LY96: variants seen among roughly 807,000 people sequenced by gnomAD.
The protein encoded by LY96 is lymphocyte antigen 96.
Under a neutral mutation model 18.9 loss-of-function variants are expected in LY96, and 18 were observed. The observed-to-expected ratio is 0.95, with a 90% confidence interval of 0.66 to 1.41. LY96 has a LOEUF of 1.41. Ranked by LOEUF, LY96 falls within the 40% of genes most tolerant of loss-of-function variation. LY96 has a pLI of 0.00. For synonymous variants in LY96, 66 were observed against 62.6 expected (o/e 1.06, Z -0.26); for missense variants, 175 against 182.4 (o/e 0.96, Z 0.23).
the LY96 span, among the ~76,000 whole-genome samples, chr8:74,089,713 T>G: frequency 7.7e-6 from 1 of 129,456 alleles, no homozygotes; most frequent in African/African-American, 3.0e-5. Flanking sequence ...TGCCTGCAGA[T>G]AGTAGGTCGG....
the LY96 span, among the ~76,000 whole-genome samples, chr8:74,051,804 G>C: frequency 6.6e-6 from 1 of 152,178 alleles, no homozygotes; most frequent in African/African-American, 2.4e-5. Flanking sequence ...CCTTGATCTT[G>C]GATTTCCTAG....
intron 1 of LY96, among the ~76,000 whole-genome samples, chr8:74,004,499 T>C (rs1816368500): frequency 6.6e-6 from 1 of 152,166 alleles, no homozygotes; most frequent in Non-Finnish European, 1.5e-5. Flanking sequence ...CCTACTGGCT[T>C]TGTTGAATCT....
the LY96 span, among the ~76,000 whole-genome samples, chr8:74,077,703 G>A: frequency 6.6e-6 from 1 of 151,442 alleles, no homozygotes; most frequent in African/African-American, 2.4e-5. Flanking sequence ...AAATTATAAT[G>A]AATATTATGA....
chr8:74,091,614 G>A, the LY96 span, among the ~76,000 whole-genome samples: 8 of 152,280 alleles, frequency 5.3e-5, no homozygotes, highest in South Asian at 4.1e-4. Context: ...TTCTGCTAGC[G>A]GACCTGTAAA....
chr8:74,070,066 T>G, the LY96 span, among the ~76,000 whole-genome samples: 1 of 152,140 alleles, frequency 6.6e-6, no homozygotes, highest in African/African-American at 2.4e-5. Flanking sequence ...ATAAGATGAA[T>G]GCTTAAATCT....
At chr8:74,010,729 T>C (rs1182440709) in intron 3 of LY96, among the ~76,000 whole-genome samples, 1 of 152,132 alleles carries the variant, frequency 6.6e-6, no homozygotes, top group Non-Finnish European at 1.5e-5. Flanking sequence ...CTTCTTTTGT[T>C]ATGAATTTTC....
At chr8:73,997,812 G>A (rs1280564902) in intron 1 of LY96, among the ~76,000 whole-genome samples, 1 of 152,140 alleles carries the variant, frequency 6.6e-6, no homozygotes, top group Non-Finnish European at 1.5e-5. Flanking sequence ...TTAATACAAA[G>A]GATACAGACG....
chr8:73,993,054 G>A (rs1816043398), intron 1 of LY96, among the ~76,000 whole-genome samples: 2 of 151,188 alleles, frequency 1.3e-5, no homozygotes, highest in South Asian at 2.1e-4. Context: ...GTAGAGACAG[G>A]GTTTCATCAT....
chr8:74,038,222 T>G, the LY96 span, among the ~76,000 whole-genome samples: 1 of 152,230 alleles, frequency 6.6e-6, no homozygotes, highest in Non-Finnish European at 1.5e-5. Flanking sequence ...TTTGTCATTT[T>G]AAGATATACA....
intron 4 of LY96, 23 bp downstream of exon 4, chr8:74,026,864 T>A (rs776149198): frequency 2.4e-6 from 3 of 1,227,130 alleles, no homozygotes; most frequent in Non-Finnish European, 2.4e-6. Context: ...ATTTATTTTG[T>A]ACTGTCTAAC....
the LY96 span, among the ~76,000 whole-genome samples, chr8:74,067,875 A>G: frequency 6.6e-6 from 1 of 151,030 alleles, no homozygotes; most frequent in Non-Finnish European, 1.5e-5. Flanking sequence ...AGCCTGGTCA[A>G]TGTGGTAAAA....
the LY96 span, chr8:74,099,629 T>C: frequency 6.6e-6 from 1 of 152,246 alleles, no homozygotes; most frequent in Non-Finnish European, 1.5e-5. Context: ...GAAGCTCAAT[T>C]GCACATGTGC....
intron 1 of LY96, among the ~76,000 whole-genome samples, chr8:73,992,174 G>A (rs1816017881): frequency 6.6e-6 from 1 of 152,084 alleles, no homozygotes; most frequent in African/African-American, 2.4e-5. Context: ...TTTGGAGTCA[G>A]CCATACCCTA....
At chr8:74,077,147 C>A in the LY96 span, among the ~76,000 whole-genome samples, 1 of 152,204 alleles carries the variant, frequency 6.6e-6, no homozygotes, top group East Asian at 1.9e-4. Flanking sequence ...CTTCTCTTCT[C>A]TCTCTGGGCA....
chr8:74,055,791 A>C, the LY96 span: 1 of 152,258 alleles, frequency 6.6e-6, no homozygotes, highest in African/African-American at 2.4e-5. Context: ...CAGGCATGAG[A>C]AGCATTTGCG....
intron 3 of LY96, among the ~76,000 whole-genome samples, chr8:74,012,187 G>C (rs150830388): frequency 3.3e-5 from 5 of 152,190 alleles, no homozygotes; most frequent in African/African-American, 1.2e-4. Context: ...TCACTACTAG[G>C]TATCTACTCA....
At chr8:74,065,121 C>A in the LY96 span, among the ~76,000 whole-genome samples, 1 of 152,190 alleles carries the variant, frequency 6.6e-6, no homozygotes, top group Non-Finnish European at 1.5e-5. Context: ...AGTTGCTCAT[C>A]AGAAAATCCT....
At chr8:74,014,386 A>AT in intron 3 of LY96, among the ~76,000 whole-genome samples, 1 of 141,416 alleles carries the variant, frequency 7.1e-6, no homozygotes, top group African/African-American at 2.8e-5. Flanking sequence ...GACTTAAAAA[A>AT]AAAAAAAGAA....
the LY96 span, chr8:74,052,332 A>G: frequency 6.6e-6 from 1 of 152,264 alleles, no homozygotes; most frequent in South Asian, 2.1e-4. Flanking sequence ...CCCTGTGTGC[A>G]CACAGATACT....
Sources: gnomAD v4.1 joint callset for allele counts (sites outside exome capture counted in the v4.1 genomes callset) on GRCh38, gnomAD v4.1.1 for gene constraint, MANE v1.5 for transcripts, NCBI Gene and HGNC (gene_info 2026-07-23, HGNC 2026-07-21) for gene names.